The following DPP6 variants were observed in gnomAD, a reference collection of about 807,000 sequenced individuals.
DPP6 encodes A-type potassium channel modulatory protein DPP6.
Under a neutral mutation model 122.6 loss-of-function variants are expected in DPP6, and 69 were observed. The ratio of observed to expected loss-of-function variants is 0.56; its 90% CI spans 0.46 to 0.69. The LOEUF is 0.69. Among genes scored for constraint, DPP6 ranks in the 30% least tolerant of loss-of-function variants. The pLI is 0.00. For missense variants in DPP6, 928 were observed against 1,116.9 expected (o/e 0.83, Z 2.41); for synonymous variants, 418 against 433.1 (o/e 0.97, Z 0.43).
At chr7:154,312,323 C>G (rs1263221149) in intron 1 of DPP6, among the ~76,000 whole-genome samples, 1 of 152,190 alleles carries the variant, frequency 6.6e-6, no homozygotes, top group African/African-American at 2.4e-5. Flanking sequence ...TGCTGTGGGT[C>G]CCCTTTGATC....
At chr7:154,656,004 A>G (rs1283323515) in intron 6 of DPP6, among the ~76,000 whole-genome samples, 1 of 152,000 alleles carries the variant, frequency 6.6e-6, no homozygotes, top group Non-Finnish European at 1.5e-5. Flanking sequence ...TTAAAACAAC[A>G]GAAATTGCCC....
intron 6 of DPP6, among the ~76,000 whole-genome samples, chr7:154,644,632 C>A (rs1272043124): frequency 2.0e-5 from 3 of 151,558 alleles, no homozygotes; most frequent in Admixed American, 1.3e-4. Context: ...CCGGAAGTTA[C>A]AGAACTAGGA....
intron 1 of DPP6, among the ~76,000 whole-genome samples, chr7:154,394,001 G>C (rs145028122): frequency 6.6e-6 from 1 of 152,232 alleles, no homozygotes; most frequent in Non-Finnish European, 1.5e-5. Flanking sequence ...AGTCTGAATA[G>C]TATTCCATTG....
At chr7:154,780,133 G>A (rs1291170635) in intron 10 of DPP6, among the ~76,000 whole-genome samples, 1 of 152,178 alleles carries the variant, frequency 6.6e-6, no homozygotes, top group Non-Finnish European at 1.5e-5. Context: ...TCAGACCAGG[G>A]CAGGGTCTTT....
chr7:154,310,378 C>G (rs935451025), intron 1 of DPP6, among the ~76,000 whole-genome samples: 2 of 152,172 alleles, frequency 1.3e-5, no homozygotes, highest in Non-Finnish European at 2.9e-5. Flanking sequence ...TCCGTGTCAC[C>G]AACTTACTAA....
chr7:154,574,857 G>T (rs1831424035), intron 5 of DPP6, among the ~76,000 whole-genome samples: 5 of 139,786 alleles, frequency 3.6e-5, no homozygotes, highest in South Asian at 2.4e-4. Context: ...GATGTGTGTG[G>T]TGTGTGTGTT....
At chr7:153,874,946 A>G in the DPP6 span, among the ~76,000 whole-genome samples, 1 of 152,210 alleles carries the variant, frequency 6.6e-6, no homozygotes, top group Non-Finnish European at 1.5e-5. Flanking sequence ...GACGGAGAGA[A>G]TAGAAAGGGA....
At chr7:154,184,846 A>C (rs1427658973) in intron 1 of DPP6, among the ~76,000 whole-genome samples, 1 of 152,184 alleles carries the variant, frequency 6.6e-6, no homozygotes, top group Non-Finnish European at 1.5e-5. Flanking sequence ...ATCAGCAGCC[A>C]GCTCTGTGTT....
chr7:154,213,255 GTT>G (rs1449768917), intron 1 of DPP6, among the ~76,000 whole-genome samples: 1 of 152,186 alleles, frequency 6.6e-6, no homozygotes, highest in Non-Finnish European at 1.5e-5. Flanking sequence ...GGGGAAGAGA[GTT>G]TGCAAGTAGC....
At chr7:154,472,305 A>G (rs4725545) in intron 2 of DPP6, among the ~76,000 whole-genome samples, 44,730 of 152,158 alleles carry the variant, frequency 0.29, 7,019 homozygotes, top group African/African-American at 0.4. Context: ...TCCTGTTCAC[A>G]TTGTCTGCCA....
intron 1 of DPP6, among the ~76,000 whole-genome samples, chr7:154,060,373 TGGTTCCCCCACTGGCTCTTAGGACCCCC>T (rs1563149847): frequency 0.028 from 1,267 of 45,620 alleles, 65 homozygotes; most frequent in South Asian, 0.073. Flanking sequence ...AGCCAGCCCC[TGGTTCCCCCACTGGCTCTTAGGACCCCC>T]ATCGCAGAGG....
At chr7:153,790,375 G>T in the DPP6 span, among the ~76,000 whole-genome samples, 2 of 152,060 alleles carry the variant, frequency 1.3e-5, no homozygotes, top group Non-Finnish European at 2.9e-5. Flanking sequence ...ATAAATTTCT[G>T]TCATTGTGCT....
intron 4 of DPP6, among the ~76,000 whole-genome samples, chr7:154,551,159 A>G (rs1447918748): frequency 6.6e-6 from 1 of 152,210 alleles, no homozygotes; most frequent in African/African-American, 2.4e-5. Context: ...AATGAGTTCA[A>G]TTTTCAATGT....
intron 1 of DPP6, among the ~76,000 whole-genome samples, chr7:153,968,507 A>T (rs1241635383): frequency 6.6e-6 from 1 of 151,912 alleles, no homozygotes; most frequent in Non-Finnish European, 1.5e-5. Flanking sequence ...GGTTTTTAGC[A>T]TATCCAGAGA....
At chr7:154,368,733 G>A (rs140014778) in intron 1 of DPP6, among the ~76,000 whole-genome samples, 2 of 152,312 alleles carry the variant, frequency 1.3e-5, no homozygotes, top group East Asian at 3.9e-4. Context: ...GTTGACCAAA[G>A]ATTCATTAGA....
chr7:154,231,637 A>C (rs1281706705), intron 1 of DPP6, among the ~76,000 whole-genome samples: 2 of 152,268 alleles, frequency 1.3e-5, no homozygotes, highest in Middle Eastern at 3.4e-3. Flanking sequence ...AGCAAAATGC[A>C]AATCAGACAG....
chr7:154,823,935 T>C (rs1372056990), intron 16 of DPP6, among the ~76,000 whole-genome samples: 2 of 152,244 alleles, frequency 1.3e-5, no homozygotes, highest in Non-Finnish European at 2.9e-5. Flanking sequence ...GATACTGAAG[T>C]GCATCCTGAA....
intron 8 of DPP6, among the ~76,000 whole-genome samples, chr7:154,735,300 G>T (rs1205299523): frequency 2.6e-5 from 4 of 152,096 alleles, no homozygotes; most frequent in African/African-American, 9.7e-5. Flanking sequence ...GAGCCCCAAA[G>T]TTCTTGTGAC....
the DPP6 span, among the ~76,000 whole-genome samples, chr7:153,821,902 C>A: frequency 2.6e-4 from 40 of 152,112 alleles, no homozygotes; most frequent in Non-Finnish European, 1.0e-4. Flanking sequence ...CAGTCAAATT[C>A]TGCTGCTGGT....
Sources: allele counts gnomAD v4.1 joint callset (sites outside exome capture counted in the v4.1 genomes callset), GRCh38; gene constraint gnomAD v4.1.1; transcripts MANE v1.5; gene names NCBI Gene and HGNC (gene_info 2026-07-23, HGNC 2026-07-21).